ARIH1: variants seen among roughly 807,000 people sequenced by gnomAD.
ARIH1 encodes the protein E3 ubiquitin-protein ligase ARIH1.
ARIH1 carries 8 observed loss-of-function variants against 85.0 expected under a neutral mutation model. The ratio of observed to expected loss-of-function variants is 0.09; its 90% CI spans 0.06 to 0.17. ARIH1 has a LOEUF of 0.17. ARIH1 is among the 10% of genes least tolerant of loss of function. The pLI is 1.00. For synonymous variants in ARIH1, 238 were observed against 253.6 expected, an observed-to-expected ratio of 0.94 and a Z score of 0.59; for missense variants, 311 against 718.1, an observed-to-expected ratio of 0.43 and a Z score of 6.48.
chr15:72,494,040 A>G (rs956235582), intron 1 of ARIH1, among the ~76,000 whole-genome samples: 1 of 152,110 alleles, frequency 6.6e-6, no homozygotes, highest in Non-Finnish European at 1.5e-5. Flanking sequence ...TAAATGCAGA[A>G]CCCTTCCCTA....
chr15:72,489,848 C>T (rs2063851925), intron 1 of ARIH1, among the ~76,000 whole-genome samples: 1 of 152,118 alleles, frequency 6.6e-6, no homozygotes, highest in African/African-American at 2.4e-5. Context: ...TATATGTTGG[C>T]ACCTCTGTGG....
In ARIH1 at chr15:72,590,044, G is replaced by A. The variant is rs929507512; in HGVS notation, c.*6752G>A. The stretch of plus-strand genomic sequence containing the variant: ...CTCAAATAAAATGGGTAGTTTCCTT[G>A]AGGTCATCCTGTTAGTAAGTGGTGG... On this transcript the variant is annotated 3_prime_UTR_variant, in exon 14 of 14. Coordinates refer to ENST00000379887, the MANE Select transcript of ARIH1 (RefSeq NM_005744.5). 12 of 152,150 alleles carry A rather than the reference G, an allele frequency of 7.9e-5. No homozygotes were observed. Among genetic ancestry groups the A allele is most frequent in the African/African-American group, 2.9e-4 (12 of 41,436 alleles). The allele number at this position is 152,150 out of a possible 1,614,324, so 9.4% of individuals were successfully genotyped here.
intron 1 of ARIH1, among the ~76,000 whole-genome samples, chr15:72,512,627 T>G (rs1244325133): frequency 6.6e-6 from 1 of 151,634 alleles, no homozygotes; most frequent in East Asian, 1.9e-4. Flanking sequence ...GTTTGAGATC[T>G]TTCTGATTTT....
At chr15:72,547,524 C>T (rs2064135124) in intron 3 of ARIH1, among the ~76,000 whole-genome samples, 1 of 152,212 alleles carries the variant, frequency 6.6e-6, no homozygotes, top group Admixed American at 6.5e-5. Context: ...TGCACCACCG[C>T]ACCCAACAGT....
At chr15:72,510,194 C>T (rs1255717921) in intron 1 of ARIH1, among the ~76,000 whole-genome samples, 1 of 152,034 alleles carries the variant, frequency 6.6e-6, no homozygotes, top group Non-Finnish European at 1.5e-5. Context: ...AAAAATTATT[C>T]TAGGTACAAA....
At chr15:72,557,883 T>G (rs942263733) in intron 5 of ARIH1, among the ~76,000 whole-genome samples, 1 of 152,218 alleles carries the variant, frequency 6.6e-6, no homozygotes, top group Non-Finnish European at 1.5e-5. Context: ...CTACTGAATT[T>G]TGTACATTGA....
At chr15:72,516,770 A>G (rs1047928710) in intron 1 of ARIH1, among the ~76,000 whole-genome samples, 1 of 152,236 alleles carries the variant, frequency 6.6e-6, no homozygotes, top group African/African-American at 2.4e-5. Context: ...TTCTTTCATG[A>G]CACTATTTTT....
chr15:72,545,874 G>C (rs1334286784), intron 3 of ARIH1, among the ~76,000 whole-genome samples: 1 of 151,828 alleles, frequency 6.6e-6, no homozygotes, highest in Non-Finnish European at 1.5e-5. Flanking sequence ...TTACTTACTT[G>C]ATTTACTTGA....
chr15:72,518,163 T>C (rs765111326), intron 2 of ARIH1, 29 bp downstream of exon 2: 4 of 1,553,004 alleles, frequency 2.6e-6, no homozygotes, highest in East Asian at 2.3e-5. Context: ...AGCTTTGTAC[T>C]TAGAAGTAAC....
chr15:72,571,067 T>C (rs2064242708), intron 10 of ARIH1, among the ~76,000 whole-genome samples: 1 of 135,144 alleles, frequency 7.4e-6, no homozygotes, highest in African/African-American at 2.8e-5. Context: ...AGGTGGAGGT[T>C]GCACTGAACC....
At chr15:72,571,740 A>G (rs1351060028) in intron 10 of ARIH1, among the ~76,000 whole-genome samples, 2 of 152,202 alleles carry the variant, frequency 1.3e-5, no homozygotes, top group African/African-American at 2.4e-5. Flanking sequence ...CTCTTTCTCA[A>G]AAAGTTGAGT....
At chr15:72,496,701 TTATA>T (rs1317368645) in intron 1 of ARIH1, 1 of 621,172 alleles carries the variant, frequency 1.6e-6, no homozygotes, top group Non-Finnish European at 2.0e-6. Flanking sequence ...CCCCACCCCT[TTATA>T]TATACCTTGA....
chr15:72,506,845 T>G lies in ARIH1; in HGVS notation c.376-11222T>G, dbSNP rs540131571. The stretch of plus-strand genomic sequence containing the variant: ...CTGGAATAAAAAAGTGGTTTTTTTT[T>G]GTTTTTTTTGTTTGTTTTTTTACTT... On this transcript the variant is annotated intron_variant, in intron 1 of 13. Coordinates refer to ENST00000379887, the MANE Select transcript of ARIH1 (RefSeq NM_005744.5). Among the ~76,000 whole-genome samples, 25 of 152,056 alleles carry G rather than the reference T, an allele frequency of 1.6e-4. No individual in the cohort carries two copies. In the South Asian group the frequency reaches 5.0e-3, roughly 30 times the overall value.
intron 2 of ARIH1, among the ~76,000 whole-genome samples, chr15:72,519,419 T>A (rs1304367471): frequency 6.6e-6 from 1 of 150,670 alleles, no homozygotes; most frequent in Non-Finnish European, 1.5e-5. Flanking sequence ...TCATGAAGGA[T>A]AACATGTTCA....
intron 1 of ARIH1, among the ~76,000 whole-genome samples, chr15:72,500,552 A>T (rs1011664199): frequency 6.6e-6 from 1 of 152,158 alleles, no homozygotes; most frequent in Non-Finnish European, 1.5e-5. Flanking sequence ...CTGCTTTGCT[A>T]ATTTCATTCC....
intron 1 of ARIH1, among the ~76,000 whole-genome samples, chr15:72,484,928 C>T (rs966392627): frequency 3.9e-5 from 6 of 152,062 alleles, no homozygotes; most frequent in Non-Finnish European, 5.9e-5. Flanking sequence ...ATGACTTTTC[C>T]TCTGGGTGGA....
In ARIH1 at chr15:72,479,035, C is replaced by G. The variant is rs141453397; in HGVS notation, c.375+4021C>G. Reference sequence around the variant, plus strand: ...TTTCTTTTTTGTAGAGACACAGGGTCTTGCTCTGTTGCCCAGGCCAGTCTC... The same window carrying G: ...TTTCTTTTTTGTAGAGACACAGGGTGTTGCTCTGTTGCCCAGGCCAGTCTC... On this transcript the variant is annotated intron_variant, in intron 1 of 13. Coordinates refer to ENST00000379887, the MANE Select transcript of ARIH1 (RefSeq NM_005744.5). 3.9e-5 allele frequency among the ~76,000 whole-genome samples: 6 copies of G among 152,100 alleles called. No homozygotes were observed. In the East Asian group the frequency reaches 1.2e-3, roughly 29 times the overall value.
Position 72,584,451 on chromosome 15 carries a change from T to G in ARIH1, c.*1159T>G, listed in dbSNP as rs1167125734. 1 of 152,236 alleles carries G rather than the reference T, an allele frequency of 6.6e-6. No homozygotes were observed. The highest frequency in any genetic ancestry group is 1.5e-5 in the Non-Finnish European group (1 of 68,054). 9.4% of individuals were successfully genotyped at this position (152,236 alleles called of 1,614,324 possible). A position where few individuals can be genotyped will look rare whatever the true frequency, so the allele number is the denominator to read the frequency against. On this transcript the variant is annotated 3_prime_UTR_variant, in exon 14 of 14. Coordinates refer to ENST00000379887, the MANE Select transcript of ARIH1 (RefSeq NM_005744.5). ...TACTTTTTGGTTTTCCCTTAATTGC[T>G]GCTTTTCAGATTTTAGTTATGGCTC...
At position 72,591,869 on chromosome 15, in the gene ARIH1, A is replaced by G. The variant is rs756638342; in HGVS notation, c.*8577A>G. ...ATACCCAGACTTGTGGTTTATTTCT[A>G]TCTAACTAGGGAAAGCACTAAAGAG... On this transcript the variant is annotated 3_prime_UTR_variant, in exon 14 of 14. Coordinates refer to ENST00000379887, the MANE Select transcript of ARIH1 (RefSeq NM_005744.5). 5 of 152,214 alleles carry G rather than the reference A, an allele frequency of 3.3e-5. No individual in the cohort carries two copies. The highest frequency in any genetic ancestry group is 5.9e-5 in the Non-Finnish European group (4 of 68,036). 9.4% of individuals were successfully genotyped at this position (152,214 alleles called of 1,614,324 possible). A position where few individuals can be genotyped will look rare whatever the true frequency, so the allele number is the denominator to read the frequency against.
Sources: allele counts gnomAD v4.1 joint callset (sites outside exome capture counted in the v4.1 genomes callset), GRCh38; gene constraint gnomAD v4.1.1; transcripts MANE v1.5; gene names NCBI Gene and HGNC (gene_info 2026-07-23, HGNC 2026-07-21).